TSHR: variants seen among roughly 807,000 people sequenced by gnomAD.
The protein encoded by TSHR is thyrotropin receptor.
Under a neutral mutation model 64.1 loss-of-function variants are expected in TSHR, and 51 were observed. That is an observed-to-expected ratio of 0.80 (90% CI 0.64 to 1.01). The LOEUF (loss-of-function observed/expected upper bound fraction) is 1.01, where lower values mean the gene tolerates loss of function less well. TSHR is among the 50% of genes least tolerant of loss of function. The pLI is 0.00. For synonymous variants in TSHR, 361 were observed against 361.9 expected, an observed-to-expected ratio of 1.00 and a Z score of 0.03; for missense variants, 877 against 942.8, an observed-to-expected ratio of 0.93 and a Z score of 0.91.
intron 1 of TSHR, among the ~76,000 whole-genome samples, chr14:81,006,503 T>C (rs1889611046): frequency 6.6e-6 from 1 of 152,058 alleles, no homozygotes; most frequent in African/African-American, 2.4e-5. Context: ...CAGGGCCCTA[T>C]TTCCAAATAT....
chr14:81,143,182 A>T lies in TSHR; in HGVS notation c.1124A>T (p.Glu375Val). ...GFGQELKNPQ[E>V]ETLQAFDSHY... ...GGCCAGGAGCTCAAAAACCCCCAGG[A>T]AGAGACTCTACAAGCTTTTGACAGC... Residue 375 changes from glutamate (E) to valine (V), a missense_variant, in exon 10 of 10, where the codon GAA becomes GTA. Glu to Val is a moderately radical substitution (Grantham distance 121, BLOSUM62 -2). Transcript: ENST00000298171. The T allele has an allele frequency of 6.2e-7, 1 of 1,614,158 alleles. No individual in the cohort carries two copies. Among genetic ancestry groups the T allele is most frequent in the Non-Finnish European group, 8.5e-7 (1 of 1,180,022 alleles).
At position 81,143,196 on chromosome 14, in the gene TSHR, G is replaced by A. The variant is rs774993591; in HGVS notation, c.1138G>A (p.Ala380Thr). 3.7e-6 allele frequency: 6 copies of A among 1,614,152 alleles called. No individual in the cohort carries two copies. Among genetic ancestry groups the A allele is most frequent in the Admixed American group, 1.7e-5 (1 of 60,022 alleles). The change falls in exon 10 of 10, where the codon GCT becomes ACT. Residue 380 changes from alanine (A) to threonine (T), a missense_variant. By Grantham distance (58) the Ala-to-Thr change is moderately conservative. Transcript: ENST00000298171. ...AAACCCCCAGGAAGAGACTCTACAAGCTTTTGACAGCCATTATGACTACAC... is the reference window on the plus strand; with the variant it reads ...AAACCCCCAGGAAGAGACTCTACAAACTTTTGACAGCCATTATGACTACAC... The part of the protein sequence containing the change: ...LKNPQEETLQ[A>T]FDSHYDYTIC...
intron 1 of TSHR, among the ~76,000 whole-genome samples, chr14:80,962,397 G>C (rs1439506130): frequency 6.6e-6 from 1 of 152,158 alleles, no homozygotes; most frequent in African/African-American, 2.4e-5. Flanking sequence ...TATTGGCAGG[G>C]TCATGCTTCC....
At chr14:81,095,403 C>G (rs367907665) in intron 6 of TSHR, 1 of 152,222 alleles carries the variant, frequency 6.6e-6, no homozygotes, top group Admixed American at 6.5e-5. Flanking sequence ...AAACCCCCAT[C>G]TCTACTGAAA....
chr14:81,029,179 A>G, intron 1 of TSHR, among the ~76,000 whole-genome samples: 1 of 151,990 alleles, frequency 6.6e-6, no homozygotes. Flanking sequence ...GAGTTATTTA[A>G]CTCCCTTTTC....
At chr14:81,106,667 C>A (rs375169683) in intron 7 of TSHR, among the ~76,000 whole-genome samples, 34 of 151,974 alleles carry the variant, frequency 2.2e-4, no homozygotes, top group African/African-American at 8.2e-4. Context: ...AAAATTGGGC[C>A]GGCACGGTGG....
chr14:81,096,576 C>A, intron 6 of TSHR, 63 bp from the exon 7 acceptor site: 2 of 1,532,066 alleles, frequency 1.3e-6, no homozygotes, highest in South Asian at 1.1e-5. Flanking sequence ...GTCCAACTCT[C>A]CAGAAACAGG....
At chr14:80,983,314 A>G (rs1181380508) in intron 1 of TSHR, 14 of 1,118,010 alleles carry the variant, frequency 1.3e-5, no homozygotes, top group Non-Finnish European at 2.6e-6. Flanking sequence ...GTCCATCACT[A>G]CATTGTTGCC....
At chr14:81,032,675 T>A in intron 1 of TSHR, 1 of 431,432 alleles carries the variant, frequency 2.3e-6, no homozygotes. Context: ...GCATAATCTC[T>A]CCTGTTGGTG....
intron 1 of TSHR, among the ~76,000 whole-genome samples, chr14:81,035,799 A>G: frequency 6.6e-6 from 1 of 152,192 alleles, no homozygotes; most frequent in Non-Finnish European, 1.5e-5. Flanking sequence ...TGCAGCAAAC[A>G]AACCCGCAAT....
chr14:81,049,993 C>T (rs1380093275), intron 1 of TSHR: 1 of 152,164 alleles, frequency 6.6e-6, no homozygotes, highest in African/African-American at 2.4e-5. Flanking sequence ...CAGACTAACA[C>T]AGTTTATAAT....
At chr14:80,999,464 G>A (rs1332760337) in intron 1 of TSHR, among the ~76,000 whole-genome samples, 1 of 152,188 alleles carries the variant, frequency 6.6e-6, no homozygotes, top group East Asian at 1.9e-4. Flanking sequence ...AGCTTGAGGA[G>A]GTGGAAGATC....
intron 1 of TSHR, chr14:81,003,495 C>T: frequency 4.5e-6 from 1 of 221,398 alleles, no homozygotes; most frequent in South Asian, 7.7e-5. Context: ...TGTGAAGTGA[C>T]ATCTTTCGGA....
chr14:81,139,663 G>C lies in TSHR; in HGVS notation c.693-16G>C, dbSNP rs374608462. ...GCTCACTGCCTCTCTGCATTTTTCT[G>C]TTCTCTGCCTCCCAGGGACGTGTCT... On this transcript the variant is annotated splice_polypyrimidine_tract_variant and intron_variant, in intron 8 of 9. Coordinates refer to ENST00000298171, the MANE Select transcript of TSHR (RefSeq NM_000369.5). 31 of 1,613,588 alleles carry C rather than the reference G, an allele frequency of 1.9e-5. No individual in the cohort carries two copies. The Middle Eastern group carries it at 1.8e-3, about 93-fold the overall frequency.
intron 1 of TSHR, among the ~76,000 whole-genome samples, chr14:80,962,117 A>T (rs1250063230): frequency 6.6e-6 from 1 of 152,138 alleles, no homozygotes; most frequent in East Asian, 1.9e-4. Flanking sequence ...CTCCATCTAT[A>T]AAAAAAGAGT....
intron 1 of TSHR, among the ~76,000 whole-genome samples, chr14:81,015,599 T>G (rs934634065): frequency 2.0e-5 from 3 of 152,192 alleles, no homozygotes; most frequent in Non-Finnish European, 4.4e-5. Flanking sequence ...AATTTACATA[T>G]GCATTACCTT....
At chr14:80,994,165 C>T (rs147256549) in intron 1 of TSHR, 35 of 152,014 alleles carry the variant, frequency 2.3e-4, no homozygotes, top group African/African-American at 8.2e-4. Context: ...TTCTTAATAA[C>T]GTTTTCTTTT....
At chr14:81,108,949 T>C in intron 8 of TSHR, 2 of 1,348,212 alleles carry the variant, frequency 1.5e-6, no homozygotes, top group Non-Finnish European at 1.9e-6. Context: ...CATGAAAACA[T>C]ACCTATTTGT....
chr14:81,124,898 TG>T (rs1243915624), intron 8 of TSHR, among the ~76,000 whole-genome samples: 1 of 152,210 alleles, frequency 6.6e-6, no homozygotes, highest in African/African-American at 2.4e-5. Flanking sequence ...TATTCAATTG[TG>T]TTCCAGGATA....
Sources: allele counts gnomAD v4.1 joint callset (sites outside exome capture counted in the v4.1 genomes callset), GRCh38; gene constraint gnomAD v4.1.1; transcripts MANE v1.5; gene names NCBI Gene and HGNC (gene_info 2026-07-23, HGNC 2026-07-21).